The following SLC25A26 variants were observed in gnomAD, a reference collection of about 807,000 sequenced individuals.
The protein encoded by SLC25A26 is mitochondrial S-adenosylmethionine carrier protein.
In SLC25A26, 36 loss-of-function variants were observed where a neutral mutation model predicts 37.8. The ratio of observed to expected loss-of-function variants is 0.95; its 90% CI spans 0.73 to 1.26. The LOEUF (loss-of-function observed/expected upper bound fraction) is 1.26. SLC25A26 is among the 50% of genes most tolerant of loss of function. The pLI is 0.00. For synonymous variants in SLC25A26, 129 were observed against 122.5 expected (o/e 1.05, Z -0.35); for missense variants, 390 against 331.1 (o/e 1.18, Z -1.38).
intron 1 of SLC25A26, among the ~76,000 whole-genome samples, chr3:66,188,119 C>T (rs894779055): frequency 5.9e-4 from 90 of 152,160 alleles, no homozygotes; most frequent in African/African-American, 2.1e-3. Context: ...TTGATACAAA[C>T]CCTAACCTGA....
At chr3:66,304,386 C>T (rs2075158788) in intron 5 of SLC25A26, 4 of 454,788 alleles carry the variant, frequency 8.8e-6, no homozygotes, top group South Asian at 3.1e-5. Flanking sequence ...AATATCTTCC[C>T]TTTTCTGTTC....
intron 1 of SLC25A26, among the ~76,000 whole-genome samples, chr3:66,143,155 G>T (rs2070060944): frequency 6.6e-6 from 1 of 151,614 alleles, no homozygotes; most frequent in South Asian, 2.1e-4. Flanking sequence ...TTCTTTCATG[G>T]CTGAATAATA....
intron 5 of SLC25A26, among the ~76,000 whole-genome samples, chr3:66,313,486 T>G (rs564183705): frequency 6.6e-6 from 1 of 152,324 alleles, no homozygotes; most frequent in Admixed American, 6.5e-5. Flanking sequence ...TATGTGTCTG[T>G]TTTTGTAGCA....
chr3:66,341,315 A>G (rs995311127), intron 5 of SLC25A26, among the ~76,000 whole-genome samples: 2 of 152,148 alleles, frequency 1.3e-5, no homozygotes, highest in Middle Eastern at 3.2e-3. Context: ...AATACTTCTT[A>G]AAAACAGTGA....
chr3:66,149,658 G>C (rs1224378804), intron 1 of SLC25A26, among the ~76,000 whole-genome samples: 1 of 152,188 alleles, frequency 6.6e-6, no homozygotes, highest in African/African-American at 2.4e-5. Context: ...CTGAGGTACA[G>C]AGAGGTCAAG....
intron 1 of SLC25A26, among the ~76,000 whole-genome samples, chr3:66,223,817 G>A (rs782777784): frequency 2.0e-5 from 3 of 152,340 alleles, no homozygotes; most frequent in South Asian, 2.1e-4. Context: ...GGAGCACAGA[G>A]TGGGGTATCC....
chr3:66,171,028 C>A (rs1054886961), intron 1 of SLC25A26, among the ~76,000 whole-genome samples: 4 of 151,508 alleles, frequency 2.6e-5, no homozygotes, highest in Non-Finnish European at 4.4e-5. Flanking sequence ...TGGTCTCGAT[C>A]TCCTGACCTC....
chr3:66,221,013 A>G lies in SLC25A26; in HGVS notation c.-82A>G. ...GGAAGTTCAAGACAGACCCGCCTCA[A>G]ACATGGCGGCGCCCAGCGCGCGAGG... On this transcript the variant is annotated 5_prime_UTR_variant, in exon 1 of 10. Transcript: ENST00000354883. 1 of 1,464,368 alleles carries G rather than the reference A, an allele frequency of 6.8e-7. No individual in the cohort carries two copies. Among genetic ancestry groups the G allele is most frequent in the Non-Finnish European group, 9.2e-7 (1 of 1,081,322 alleles). The allele number at this position is 1,464,368 out of a possible 1,614,324, so 90.7% of individuals were successfully genotyped here.
At chr3:66,330,112 G>A (rs1248733307) in intron 5 of SLC25A26, among the ~76,000 whole-genome samples, 1 of 152,104 alleles carries the variant, frequency 6.6e-6, no homozygotes, top group Non-Finnish European at 1.5e-5. Context: ...GGAGCTTCCA[G>A]TAAGTTAGCC....
chr3:66,336,692 T>C (rs1238333154), intron 5 of SLC25A26, among the ~76,000 whole-genome samples: 1 of 152,198 alleles, frequency 6.6e-6, no homozygotes, highest in East Asian at 1.9e-4. Context: ...CTGGATTGCT[T>C]CTTACATACA....
intron 5 of SLC25A26, among the ~76,000 whole-genome samples, chr3:66,305,430 G>A (rs1464667943): frequency 6.6e-6 from 1 of 152,046 alleles, no homozygotes; most frequent in Non-Finnish European, 1.5e-5. Flanking sequence ...TTTATATTAG[G>A]GATTGAAGGA....
intron 5 of SLC25A26, among the ~76,000 whole-genome samples, chr3:66,272,552 T>C (rs2073994193): frequency 6.6e-6 from 1 of 152,114 alleles, no homozygotes; most frequent in South Asian, 2.1e-4. Flanking sequence ...AAGTGCATAT[T>C]ATCACGTTTG....
At chr3:66,332,218 G>A (rs1323554446) in intron 5 of SLC25A26, among the ~76,000 whole-genome samples, 1 of 152,034 alleles carries the variant, frequency 6.6e-6, no homozygotes. Flanking sequence ...GATTACAGGC[G>A]TGAGCCACCA....
At chr3:66,351,943 G>A (rs2076462906) in intron 6 of SLC25A26, among the ~76,000 whole-genome samples, 1 of 152,064 alleles carries the variant, frequency 6.6e-6, no homozygotes, top group Non-Finnish European at 1.5e-5. Context: ...AGCAGCCAGA[G>A]TGATCTTTTA....
In SLC25A26 at chr3:66,356,385, A is replaced by T. The variant is rs145860200; in HGVS notation, c.499-6475A>T. On this transcript the variant is annotated intron_variant, in intron 6 of 9. Coordinates refer to ENST00000354883, the MANE Select transcript of SLC25A26 (RefSeq NM_001379210.1). ...GATAGGCCTTTAGCATTAAGTGAAGAATCACTTGGGAAATTACAACCTGAT... is the reference window on the plus strand; with the variant it reads ...GATAGGCCTTTAGCATTAAGTGAAGTATCACTTGGGAAATTACAACCTGAT... Among the ~76,000 whole-genome samples the T allele has an allele frequency of 3.9e-5, 6 of 152,290 alleles. No individual in the cohort carries two copies. In the East Asian group the frequency reaches 1.2e-3, roughly 29 times the overall value.
chr3:66,330,484 T>C (rs2075947318), intron 5 of SLC25A26, among the ~76,000 whole-genome samples: 1 of 152,170 alleles, frequency 6.6e-6, no homozygotes, highest in Admixed American at 6.5e-5. Context: ...ATATAAAATA[T>C]ATTTCATGTG....
chr3:66,220,729 T>A, upstream of SLC25A26: 1 of 346,322 alleles, frequency 2.9e-6, no homozygotes, highest in Non-Finnish European at 5.3e-6. Flanking sequence ...CCACGCCTCT[T>A]CTGGGTTTAC....
At chr3:66,161,919 A>G (rs1189330035) in intron 1 of SLC25A26, among the ~76,000 whole-genome samples, 6 of 152,160 alleles carry the variant, frequency 3.9e-5, no homozygotes, top group Non-Finnish European at 8.8e-5. Flanking sequence ...AAAATGAACG[A>G]TGGTGTGAGA....
At chr3:66,187,653 A>T (rs2070855692) in intron 1 of SLC25A26, among the ~76,000 whole-genome samples, 1 of 151,704 alleles carries the variant, frequency 6.6e-6, no homozygotes, top group Admixed American at 6.6e-5. Flanking sequence ...AACTGTACCA[A>T]TGACATTCTC....
Sources: allele counts gnomAD v4.1 joint callset (sites outside exome capture counted in the v4.1 genomes callset), GRCh38; gene constraint gnomAD v4.1.1; transcripts MANE v1.5; gene names NCBI Gene and HGNC (gene_info 2026-07-23, HGNC 2026-07-21).